The following GPR158 variants were observed in gnomAD, a reference collection of about 807,000 sequenced individuals.
The protein encoded by GPR158 is metabotropic glycine receptor.
Under a neutral mutation model 78.2 loss-of-function variants are expected in GPR158, and 30 were observed. The observed-to-expected ratio is 0.38, with a 90% CI of 0.29 to 0.52. The LOEUF is 0.52. Ranked by LOEUF, GPR158 falls within the 20% of genes least tolerant of loss-of-function variation. The probability of loss-of-function intolerance (pLI) is 0.83; values close to 1 mark genes in which losing one functional copy is unlikely to be tolerated. For synonymous variants in GPR158, 581 were observed against 591.1 expected, an observed-to-expected ratio of 0.98 and a Z score of 0.25; for missense variants, 1,463 against 1,523.5, an observed-to-expected ratio of 0.96 and a Z score of 0.66.
At chr10:25,403,941 G>A (rs769546119) in intron 3 of GPR158, among the ~76,000 whole-genome samples, 1 of 151,964 alleles carries the variant, frequency 6.6e-6, no homozygotes, top group Non-Finnish European at 1.5e-5. Flanking sequence ...AGTGTATAAA[G>A]AGATACATCT....
intron 4 of GPR158, among the ~76,000 whole-genome samples, chr10:25,434,389 T>A (rs1408425642): frequency 6.6e-6 from 1 of 152,230 alleles, no homozygotes; most frequent in Non-Finnish European, 1.5e-5. Flanking sequence ...CAGTTACTTA[T>A]CAAATATGCT....
chr10:25,247,822 T>C (rs2130716192), intron 2 of GPR158, among the ~76,000 whole-genome samples: 1 of 149,246 alleles, frequency 6.7e-6, no homozygotes, highest in East Asian at 2.0e-4. Flanking sequence ...GTCCTTTGGG[T>C]ATATACCCAG....
At position 25,405,425 on chromosome 10, in the gene GPR158, A is replaced by G. The variant is rs148246582; in HGVS notation, c.1112-6825A>G. Among the ~76,000 whole-genome samples, 1,021 of 151,110 alleles carry G rather than the reference A, an allele frequency of 6.8e-3. 6 individuals carry two copies. The highest frequency in any genetic ancestry group is 8.8e-3 in the Non-Finnish European group (599 of 67,802). On this transcript the variant is annotated intron_variant, in intron 3 of 10. Coordinates refer to ENST00000376351, the MANE Select transcript of GPR158 (RefSeq NM_020752.3). ...TAAGCCCAACTGTTTAGAATGTTTCATAATGGCTTAGTTTGACAATATTCT... is the reference window on the plus strand; with the variant it reads ...TAAGCCCAACTGTTTAGAATGTTTCGTAATGGCTTAGTTTGACAATATTCT...
At chr10:25,559,051 A>T (rs1836826337) in intron 6 of GPR158, among the ~76,000 whole-genome samples, 1 of 152,112 alleles carries the variant, frequency 6.6e-6, no homozygotes, top group Non-Finnish European at 1.5e-5. Flanking sequence ...TTATTGAGAG[A>T]GGGGTTGGAA....
At chr10:25,342,577 A>C (rs752646790) in intron 2 of GPR158, among the ~76,000 whole-genome samples, 16 of 151,922 alleles carry the variant, frequency 1.1e-4, no homozygotes, top group Non-Finnish European at 2.1e-4. Flanking sequence ...GAAGCTTACC[A>C]CCCTGAGAGA....
intron 2 of GPR158, among the ~76,000 whole-genome samples, chr10:25,344,072 C>T (rs911921597): frequency 2.0e-5 from 3 of 151,904 alleles, no homozygotes; most frequent in Non-Finnish European, 4.4e-5. Context: ...TAGCATTCTT[C>T]TCGGAAGAGA....
chr10:25,450,952 G>A (rs931707989), intron 4 of GPR158, among the ~76,000 whole-genome samples: 3 of 147,968 alleles, frequency 2.0e-5, no homozygotes, highest in Non-Finnish European at 4.4e-5. Context: ...AAAATCCTTG[G>A]AACTTTTTGC....
intron 1 of GPR158, among the ~76,000 whole-genome samples, chr10:25,200,998 T>TTG (rs1466034627): frequency 6.6e-6 from 1 of 152,054 alleles, no homozygotes; most frequent in East Asian, 1.9e-4. Context: ...TTGGGCTCTT[T>TTG]TGTGGTTCCA....
chr10:25,181,305 C>A, intron 1 of GPR158, among the ~76,000 whole-genome samples: 1 of 152,166 alleles, frequency 6.6e-6, no homozygotes, highest in East Asian at 1.9e-4. Flanking sequence ...CTTTGAAATT[C>A]TGTAAAAACT....
At chr10:25,456,565 C>T (rs1185675904) in intron 4 of GPR158, among the ~76,000 whole-genome samples, 1 of 152,082 alleles carries the variant, frequency 6.6e-6, no homozygotes, top group African/African-American at 2.4e-5. Flanking sequence ...TAGGTGTGAG[C>T]AGTAGAATTT....
intron 8 of GPR158, among the ~76,000 whole-genome samples, chr10:25,593,376 A>G (rs918311982): frequency 6.6e-6 from 1 of 152,114 alleles, no homozygotes; most frequent in Admixed American, 6.5e-5. Flanking sequence ...TTTTGTGATT[A>G]TAATATCATG....
chr10:25,501,860 G>A (rs570547100), intron 5 of GPR158, among the ~76,000 whole-genome samples: 10 of 152,224 alleles, frequency 6.6e-5, no homozygotes, highest in African/African-American at 9.6e-5. Flanking sequence ...CCCAACTTAC[G>A]TGGCTAATTT....
chr10:25,228,761 G>T (rs1853407876), intron 2 of GPR158, among the ~76,000 whole-genome samples: 1 of 152,260 alleles, frequency 6.6e-6, no homozygotes, highest in Non-Finnish European at 1.5e-5. Context: ...GCCGGGCGTG[G>T]TGGCTCACGC....
At chr10:25,341,343 T>C (rs77653134) in intron 2 of GPR158, among the ~76,000 whole-genome samples, 1,595 of 152,050 alleles carry the variant, frequency 0.01, 26 homozygotes, top group Middle Eastern at 0.017. Context: ...TGCTAGAACA[T>C]AAATTGGAAG....
intron 4 of GPR158, among the ~76,000 whole-genome samples, chr10:25,418,987 A>AT (rs1274485224): frequency 1.1e-4 from 16 of 151,796 alleles, no homozygotes; most frequent in Admixed American, 7.9e-4. Flanking sequence ...ATGTGAAGTG[A>AT]TTTTTTAAGT....
chr10:25,591,328 C>CA (rs1837337607), intron 8 of GPR158, among the ~76,000 whole-genome samples: 1 of 152,048 alleles, frequency 6.6e-6, no homozygotes, highest in African/African-American at 2.4e-5. Flanking sequence ...TAACAGCATC[C>CA]ACACTTCAGA....
intron 5 of GPR158, among the ~76,000 whole-genome samples, chr10:25,526,061 G>A (rs940191296): frequency 1.1e-4 from 15 of 135,136 alleles, no homozygotes; most frequent in Admixed American, 4.3e-4. Context: ...AGCCAAGATC[G>A]TTGCCACTGC....
intron 2 of GPR158, among the ~76,000 whole-genome samples, chr10:25,295,339 C>T (rs577084121): frequency 2.0e-5 from 3 of 152,350 alleles, no homozygotes; most frequent in East Asian, 3.9e-4. Context: ...TCTGTTCACC[C>T]ATCAGCCAGA....
intron 1 of GPR158, among the ~76,000 whole-genome samples, chr10:25,206,784 T>C (rs565352884): frequency 6.6e-6 from 1 of 152,130 alleles, no homozygotes; most frequent in East Asian, 1.9e-4. Flanking sequence ...TTAAATAATT[T>C]ACTTGCCAGA....
Sources: allele counts gnomAD v4.1 joint callset (sites outside exome capture counted in the v4.1 genomes callset), GRCh38; gene constraint gnomAD v4.1.1; transcripts MANE v1.5; gene names NCBI Gene and HGNC (gene_info 2026-07-23, HGNC 2026-07-21).